RIMS2: variants seen among roughly 807,000 people sequenced by gnomAD.
RIMS2 encodes regulating synaptic membrane exocytosis protein 2.
In RIMS2, 59 loss-of-function variants were observed where a neutral mutation model predicts 174.4. That is an observed-to-expected ratio of 0.34 (90% CI 0.27 to 0.42). RIMS2 has a LOEUF of 0.42. Among genes scored for constraint, RIMS2 ranks in the 10% least tolerant of loss-of-function variants. The pLI is 1.00. For synonymous variants in RIMS2, 606 were observed against 572.5 expected, an observed-to-expected ratio of 1.06 and a Z score of -0.84; for missense variants, 1,620 against 1,666.3, an observed-to-expected ratio of 0.97 and a Z score of 0.48.
At chr8:103,794,814 G>T (rs1228845669) in intron 3 of RIMS2, among the ~76,000 whole-genome samples, 1 of 152,190 alleles carries the variant, frequency 6.6e-6, no homozygotes, top group Non-Finnish European at 1.5e-5. Context: ...CATTTATGCA[G>T]CCAACAGACA....
At chr8:103,902,759 T>A (rs1044710691) in intron 4 of RIMS2, among the ~76,000 whole-genome samples, 6 of 152,154 alleles carry the variant, frequency 3.9e-5, no homozygotes, top group Admixed American at 2.0e-4. Context: ...TTCAATTAAG[T>A]TTGTGGAAAC....
intron 19 of RIMS2, among the ~76,000 whole-genome samples, chr8:104,079,968 A>G (rs942201045): frequency 1.3e-5 from 2 of 152,012 alleles, no homozygotes; most frequent in Non-Finnish European, 2.9e-5. Context: ...TTTTGTATCA[A>G]TATAAGAACA....
chr8:103,524,434 CAAAG>C (rs1327454603), intron 1 of RIMS2, among the ~76,000 whole-genome samples: 1 of 151,918 alleles, frequency 6.6e-6, no homozygotes, highest in Non-Finnish European at 1.5e-5. Context: ...ATATTTTAAA[CAAAG>C]AAAATTTAAT....
intron 15 of RIMS2, among the ~76,000 whole-genome samples, chr8:103,973,850 A>G (rs1010934488): frequency 1.3e-5 from 2 of 152,148 alleles, no homozygotes; most frequent in Non-Finnish European, 2.9e-5. Flanking sequence ...CAGCTGGTTT[A>G]CTCATCCTCA....
chr8:104,030,952 T>A (rs1306441539), intron 19 of RIMS2, among the ~76,000 whole-genome samples: 1 of 152,166 alleles, frequency 6.6e-6, no homozygotes, highest in Non-Finnish European at 1.5e-5. Context: ...TGTTTGTTGT[T>A]ATATCCCTGT....
chr8:104,223,665 G>T, intron 19 of RIMS2: 1 of 1,591,232 alleles, frequency 6.3e-7, no homozygotes. Flanking sequence ...GGCCGGCAGG[G>T]CTTGGGGGGT....
At chr8:104,211,988 A>C (rs1284193409) in intron 19 of RIMS2, among the ~76,000 whole-genome samples, 1 of 136,244 alleles carries the variant, frequency 7.3e-6, no homozygotes, top group Non-Finnish European at 1.6e-5. Context: ...CGGTAAGGGA[A>C]AGTAAGGAAT....
rs746635307 is a variant in RIMS2, at chr8:103,835,752, T to C, written c.699-49546T>C. Among the ~76,000 whole-genome samples the C allele has an allele frequency of 2.2e-4, 33 of 152,360 alleles. 1 individual carries two copies. The highest frequency in any genetic ancestry group is 3.4e-3 in the Middle Eastern group (1 of 294). On this transcript the variant is annotated intron_variant, in intron 3 of 23. Coordinates refer to ENST00000504942, the Ensembl canonical transcript of RIMS2. ...CTTTCATTCTTTATAATTTATTGTGTATTCTAAATATAATTGGTTAGCCTG... is the reference window on the plus strand; with the variant it reads ...CTTTCATTCTTTATAATTTATTGTGCATTCTAAATATAATTGGTTAGCCTG...
chr8:103,851,951 G>T (rs1255626477), intron 3 of RIMS2, among the ~76,000 whole-genome samples: 1 of 151,784 alleles, frequency 6.6e-6, no homozygotes, highest in Non-Finnish European at 1.5e-5. Flanking sequence ...GCATGTTTTT[G>T]TATCTCTCAT....
chr8:103,768,047 G>C (rs926481016), intron 3 of RIMS2, among the ~76,000 whole-genome samples: 4 of 152,216 alleles, frequency 2.6e-5, no homozygotes, highest in African/African-American at 9.6e-5. Flanking sequence ...ATTTTGCTAT[G>C]TAGGGAATGG....
intron 3 of RIMS2, among the ~76,000 whole-genome samples, chr8:103,879,444 A>G (rs1208651743): frequency 6.6e-6 from 1 of 151,594 alleles, no homozygotes; most frequent in Non-Finnish European, 1.5e-5. Flanking sequence ...TTTGGTATGA[A>G]CTGTGGGGTC....
At chr8:103,843,074 AG>A (rs2098949638) in intron 3 of RIMS2, among the ~76,000 whole-genome samples, 1 of 152,234 alleles carries the variant, frequency 6.6e-6, no homozygotes, top group Admixed American at 6.5e-5. Context: ...ACCTCTTTAA[AG>A]GTCCTATCTC....
intron 1 of RIMS2, among the ~76,000 whole-genome samples, chr8:103,599,639 C>T (rs1436610956): frequency 2.0e-5 from 3 of 151,584 alleles, no homozygotes; most frequent in South Asian, 2.1e-4. Flanking sequence ...TTTGTAGAGA[C>T]GAGACCTCAC....
intron 1 of RIMS2, among the ~76,000 whole-genome samples, chr8:103,571,605 T>C (rs117229194): frequency 5.3e-4 from 81 of 152,372 alleles, no homozygotes; most frequent in Non-Finnish European, 8.5e-4. Context: ...CTACTATATG[T>C]GTATATATGC....
rs552716245 is a variant in RIMS2, at chr8:103,946,701, T to C, written c.2701+3775T>C. On this transcript the variant is annotated intron_variant, in intron 14 of 23. Transcript: ENST00000504942. ...ATGGTAGCTCTTCCCCCAATTAGTC[T>C]ACAGATTAAACCCAATTCCTATCAA... Among the ~76,000 whole-genome samples, 5 of 152,292 alleles carry C rather than the reference T, an allele frequency of 3.3e-5. No individual in the cohort carries two copies. In the East Asian group the frequency reaches 9.6e-4, roughly 29 times the overall value.
intron 1 of RIMS2, among the ~76,000 whole-genome samples, chr8:103,638,356 C>G (rs1305155969): frequency 6.6e-6 from 1 of 152,106 alleles, no homozygotes; most frequent in Non-Finnish European, 1.5e-5. Context: ...TGGATCTTAC[C>G]TGCAACAGTT....
intron 1 of RIMS2, among the ~76,000 whole-genome samples, chr8:103,519,135 C>T (rs906411825): frequency 2.0e-5 from 3 of 151,942 alleles, no homozygotes; most frequent in African/African-American, 7.3e-5. Flanking sequence ...GTAAAGGGGA[C>T]CCTTTCATAA....
intron 3 of RIMS2, among the ~76,000 whole-genome samples, chr8:103,792,496 A>G (rs955183897): frequency 3.9e-5 from 6 of 152,178 alleles, no homozygotes; most frequent in Non-Finnish European, 8.8e-5. Context: ...ACACCCTAAC[A>G]TCACAACTAA....
intron 1 of RIMS2, among the ~76,000 whole-genome samples, chr8:103,506,279 G>A (rs1375285365): frequency 6.6e-6 from 1 of 151,928 alleles, no homozygotes; most frequent in Non-Finnish European, 1.5e-5. Flanking sequence ...TGAAATAAGG[G>A]CAATTAAATA....
Sources: gnomAD v4.1 joint callset for allele counts (sites outside exome capture counted in the v4.1 genomes callset) on GRCh38, gnomAD v4.1.1 for gene constraint, MANE v1.5 for transcripts, NCBI Gene and HGNC (gene_info 2026-07-23, HGNC 2026-07-21) for gene names.